NRG1: variants seen among roughly 807,000 people sequenced by gnomAD.
The protein encoded by NRG1 is pro-neuregulin-1, membrane-bound isoform.
NRG1 carries 18 observed loss-of-function variants against 63.8 expected under a neutral mutation model. The ratio of observed to expected loss-of-function variants is 0.28; its 90% CI spans 0.19 to 0.42. NRG1 has a LOEUF of 0.42. Ranked by LOEUF, NRG1 falls within the 10% of genes least tolerant of loss-of-function variation. NRG1 has a pLI of 1.00. For synonymous variants in NRG1, 302 were observed against 301.3 expected (o/e 1.00, Z -0.02); for missense variants, 762 against 814.7 (o/e 0.94, Z 0.79).
At chr8:32,486,627 A>ATTTTTTTTTTTTTTTTTTTTT (rs1554557143) in intron 1 of NRG1, among the ~76,000 whole-genome samples, 1 of 145,518 alleles carries the variant, frequency 6.9e-6, no homozygotes, top group African/African-American at 2.6e-5. Context: ...GAATTGCTGG[A>ATTTTTTTTTTTTTTTTTTTTT]TTTTTTTTTT....
chr8:32,741,930 C>T (rs752394309), intron 6 of NRG1, 78 bp from the exon 7 acceptor site: 109 of 1,024,694 alleles, frequency 1.1e-4, no homozygotes, highest in Non-Finnish European at 1.6e-4. Flanking sequence ...CTCCATATTC[C>T]ATAGGAGGAA....
At chr8:32,469,757 C>T (rs1823535768) in intron 1 of NRG1, among the ~76,000 whole-genome samples, 1 of 152,058 alleles carries the variant, frequency 6.6e-6, no homozygotes. Context: ...TCAGAGGAAG[C>T]CCGAGAATCC....
chr8:32,080,052 G>T (rs1008366977), intron 1 of NRG1, among the ~76,000 whole-genome samples: 2 of 151,996 alleles, frequency 1.3e-5, no homozygotes, highest in African/African-American at 4.8e-5. Context: ...TTAAAAAAAA[G>T]ACAACAATAC....
intron 1 of NRG1, among the ~76,000 whole-genome samples, chr8:32,016,363 T>C (rs1815541039): frequency 6.6e-6 from 1 of 152,102 alleles, no homozygotes; most frequent in African/African-American, 2.4e-5. Context: ...GTGACTGGCC[T>C]CTGTAACTTC....
intron 1 of NRG1, among the ~76,000 whole-genome samples, chr8:32,518,805 A>C (rs932218345): frequency 7.2e-5 from 11 of 152,210 alleles, no homozygotes; most frequent in Non-Finnish European, 1.5e-4. Flanking sequence ...TGGGGAAAAA[A>C]GTTGACTACA....
At chr8:31,874,598 A>T (rs1829754250) in intron 1 of NRG1, among the ~76,000 whole-genome samples, 1 of 152,224 alleles carries the variant, frequency 6.6e-6, no homozygotes, top group African/African-American at 2.4e-5. Context: ...TTTGTATTAC[A>T]AACAATTCAA....
At chr8:32,407,274 AT>A (rs1563420455) in intron 1 of NRG1, among the ~76,000 whole-genome samples, 3 of 108,982 alleles carry the variant, frequency 2.8e-5, no homozygotes, top group African/African-American at 7.0e-5. Context: ...GTATATATAT[AT>A]TATATATATA....
At chr8:31,712,072 A>C (rs1374971812) in intron 1 of NRG1, among the ~76,000 whole-genome samples, 1 of 151,782 alleles carries the variant, frequency 6.6e-6, no homozygotes, top group Non-Finnish European at 1.5e-5. Context: ...CTAGTCTCTC[A>C]TTCTTTTCAA....
intron 1 of NRG1, among the ~76,000 whole-genome samples, chr8:32,255,933 G>A (rs189417822): frequency 1.2e-4 from 18 of 151,906 alleles, no homozygotes; most frequent in East Asian, 3.9e-4. Flanking sequence ...CTCTAATCTC[G>A]TCTTCATGCT....
intron 5 of NRG1, among the ~76,000 whole-genome samples, chr8:32,632,829 A>G (rs905484882): frequency 7.2e-5 from 11 of 152,322 alleles, no homozygotes; most frequent in Admixed American, 5.2e-4. Context: ...TTGTAAGTTT[A>G]ATTCTAAAAC....
chr8:32,201,746 A>G (rs1423381243), intron 1 of NRG1, among the ~76,000 whole-genome samples: 1 of 152,234 alleles, frequency 6.6e-6, no homozygotes, highest in Non-Finnish European at 1.5e-5. Flanking sequence ...AATAGACCGT[A>G]GAAAATAATG....
At chr8:31,661,392 A>G (rs1443179192) in intron 1 of NRG1, among the ~76,000 whole-genome samples, 1 of 152,200 alleles carries the variant, frequency 6.6e-6, no homozygotes, top group Non-Finnish European at 1.5e-5. Context: ...AGAGGACTAT[A>G]AGCAAGCCAT....
chr8:31,837,310 T>G (rs1825768072), intron 1 of NRG1, among the ~76,000 whole-genome samples: 1 of 152,008 alleles, frequency 6.6e-6, no homozygotes, highest in Non-Finnish European at 1.5e-5. Flanking sequence ...GAGTCAAAAA[T>G]TGAGAGACCT....
intron 1 of NRG1, among the ~76,000 whole-genome samples, chr8:32,295,955 A>AG (rs1159277477): frequency 3.6e-4 from 49 of 135,824 alleles, no homozygotes; most frequent in Admixed American, 5.8e-4. Flanking sequence ...AAAAAAAAAA[A>AG]AGAGAGAGAG....
At chr8:32,349,635 G>A (rs1190550758) in intron 1 of NRG1, among the ~76,000 whole-genome samples, 1 of 152,174 alleles carries the variant, frequency 6.6e-6, no homozygotes, top group Non-Finnish European at 1.5e-5. Context: ...CCATATGACA[G>A]GATGACTTGG....
intron 1 of NRG1, among the ~76,000 whole-genome samples, chr8:31,940,942 A>G (rs1290882583): frequency 6.6e-6 from 1 of 152,132 alleles, no homozygotes; most frequent in African/African-American, 2.4e-5. Context: ...CCAGGACCAG[A>G]TGGATTCACA....
At chr8:32,101,040 TTC>T (rs1290449669) in intron 1 of NRG1, among the ~76,000 whole-genome samples, 1 of 152,216 alleles carries the variant, frequency 6.6e-6, no homozygotes, top group Admixed American at 6.5e-5. Context: ...TGCTTTTTTT[TTC>T]CTAGGCATTT....
At chr8:32,376,630 G>T (rs1291301565) in intron 1 of NRG1, among the ~76,000 whole-genome samples, 1 of 152,196 alleles carries the variant, frequency 6.6e-6, no homozygotes, top group Non-Finnish European at 1.5e-5. Context: ...GCCCTGAGGA[G>T]CAGGCCTGTC....
chr8:31,843,395 C>A (rs890658543), intron 1 of NRG1, among the ~76,000 whole-genome samples: 7 of 152,142 alleles, frequency 4.6e-5, no homozygotes, highest in Admixed American at 1.3e-4. Context: ...TGTGGCTTAA[C>A]ATTTCTCCAA....
Sources: gnomAD v4.1 joint callset for allele counts (sites outside exome capture counted in the v4.1 genomes callset) on GRCh38, gnomAD v4.1.1 for gene constraint, MANE v1.5 for transcripts, NCBI Gene and HGNC (gene_info 2026-07-23, HGNC 2026-07-21) for gene names.